ECT2: variants seen among roughly 807,000 people sequenced by gnomAD.
The protein encoded by ECT2 is protein ECT2.
In ECT2, 61 loss-of-function variants were observed where a neutral mutation model predicts 116.9. The observed-to-expected ratio is 0.52, with a 90% CI of 0.42 to 0.65. ECT2 has a LOEUF of 0.65. ECT2 is among the 30% of genes least tolerant of loss of function. The pLI, the probability that ECT2 is intolerant of heterozygous loss-of-function variation, is 0.00. For synonymous variants in ECT2, 358 were observed against 346.4 expected (o/e 1.03, Z -0.37); for missense variants, 937 against 1,078.7 (o/e 0.87, Z 1.84).
intron 5 of ECT2, among the ~76,000 whole-genome samples, chr3:172,758,081 A>G (rs1717425522): frequency 6.6e-6 from 1 of 152,010 alleles, no homozygotes; most frequent in Non-Finnish European, 1.5e-5. Context: ...GCTGGTCTCG[A>G]ACTCTTGACC....
At position 172,816,741 on chromosome 3, in the gene ECT2, G is replaced by T. The variant is rs1292314444; in HGVS notation, c.2559G>T (p.Arg853Ser). The T allele has an allele frequency of 1.1e-5, 17 of 1,607,740 alleles. No homozygotes were observed. The highest frequency in any genetic ancestry group is 1.4e-5 in the Non-Finnish European group (17 of 1,175,890). The part of the protein sequence containing the change: ...FSKTPKRALR[R>S]ALMTSHGSVE... ...AAACTCCAAAAAGAGCTCTTCGAAG[G>T]GCTCTTATGACATCCCACGGCTCAG... The change falls in exon 24 of 25, where the codon AGG becomes AGT. Residue 853 changes from arginine to serine, a missense_variant. By Grantham distance (110) the Arg-to-Ser change is moderately radical. Coordinates refer to ENST00000392692, the MANE Select transcript of ECT2 (RefSeq NM_001258315.2).
At chr3:172,795,445 A>G (rs1041421960) in intron 18 of ECT2, among the ~76,000 whole-genome samples, 5 of 152,174 alleles carry the variant, frequency 3.3e-5, no homozygotes, top group Non-Finnish European at 7.3e-5. Flanking sequence ...CTTTAAGTCC[A>G]GCCTAAAATG....
At chr3:172,803,806 G>A (rs1007430355) in intron 20 of ECT2, among the ~76,000 whole-genome samples, 3 of 144,440 alleles carry the variant, frequency 2.1e-5, no homozygotes, top group African/African-American at 2.5e-5. Flanking sequence ...GTTTCTTTTC[G>A]TTTTTCTTTT....
intron 14 of ECT2, among the ~76,000 whole-genome samples, chr3:172,778,588 C>CTTTTTTTTTTTTTT (rs5854485): frequency 1.7e-5 from 1 of 59,778 alleles, no homozygotes; most frequent in African/African-American, 6.0e-5. Flanking sequence ...TATTAGCTAT[C>CTTTTTTTTTTTTTT]TTTTTTTTTT....
At chr3:172,776,446 T>G (rs34231214) in intron 14 of ECT2, among the ~76,000 whole-genome samples, 72,797 of 151,944 alleles carry the variant, frequency 0.48, 19,907 homozygotes, top group East Asian at 0.69. Flanking sequence ...AATTTTGGGT[T>G]TTTTTCTTTA....
In ECT2 at chr3:172,809,597, ACG is replaced by A. The variant is rs1459168714; in HGVS notation, c.2400+1675_2400+1676del. 5.2e-4 allele frequency among the ~76,000 whole-genome samples: 71 copies of A among 137,704 alleles called. No individual in the cohort carries two copies. In the South Asian group the frequency reaches 6.2e-3, roughly 12 times the overall value. 90.3% of individuals were successfully genotyped at this position (137,704 alleles called of 152,430 possible). ...CACACACACACACACACACACACAC[ACG>A]CACACACACACGTGAAAGATGTAAA... is the stretch of plus-strand genomic sequence containing the variant. On this transcript the variant is annotated intron_variant, in intron 22 of 24. Transcript: ENST00000392692.
rs576868078 is a variant in ECT2 at position 172,750,768 on chromosome 3, G to T, written c.-112G>T. On this transcript the variant is annotated 5_prime_UTR_variant, in exon 1 of 25. Transcript: ENST00000392692. ...GAGAGAGCAGCTTAGTTTTTGAATC[G>T]GTTGTGGCGGCCGCCGGCGAGGAAT... 1.3e-5 allele frequency: 2 copies of T among 152,832 alleles called. No individual in the cohort carries two copies. The highest frequency in any genetic ancestry group is 3.8e-4 in the East Asian group (2 of 5,206). 9.5% of individuals were successfully genotyped at this position (152,832 alleles called of 1,614,324 possible). A position where few individuals can be genotyped will look rare whatever the true frequency, so the allele number is the denominator to read the frequency against.
intron 18 of ECT2, among the ~76,000 whole-genome samples, chr3:172,787,668 C>A (rs1340410582): frequency 6.6e-6 from 1 of 151,978 alleles, no homozygotes; most frequent in Non-Finnish European, 1.5e-5. Flanking sequence ...TTTTCAACAC[C>A]TTATGGTTTA....
chr3:172,802,972 TG>T lies in ECT2; in HGVS notation c.2099del (p.Cys700SerfsTer2). On this transcript the variant is annotated frameshift_variant, in exon 20 of 25. Transcript: ENST00000392692. LOFTEE classifies it high-confidence loss of function. Reference sequence around the variant, plus strand: ...AGTAACTCTCTTCCTCTTCAATGATTGCCTAGAGGTAAAGATGTACTTCACA... The same window carrying T: ...AGTAACTCTCTTCCTCTTCAATGATTCCTAGAGGTAAAGATGTACTTCACA... ...EQVTLFLFND[C>X]LEIARKRHKV... 6.2e-7 allele frequency: 1 copy of T among 1,610,820 alleles called. No individual in the cohort carries two copies. Among genetic ancestry groups the T allele is most frequent in the South Asian group, 1.1e-5 (1 of 90,536 alleles).
intron 14 of ECT2, among the ~76,000 whole-genome samples, chr3:172,777,442 T>G (rs1721948469): frequency 6.6e-6 from 1 of 152,236 alleles, no homozygotes; most frequent in Non-Finnish European, 1.5e-5. Context: ...AGGTATTATG[T>G]ATACAACTTT....
intron 16 of ECT2, 42 bp from the exon 17 acceptor site, chr3:172,784,665 T>G: frequency 6.7e-7 from 1 of 1,487,666 alleles, no homozygotes; most frequent in Non-Finnish European, 9.4e-7. Context: ...TATAATCTTT[T>G]CAGAAAACCT....
At chr3:172,751,617 T>C (rs1485377843) in intron 1 of ECT2, among the ~76,000 whole-genome samples, 2 of 152,248 alleles carry the variant, frequency 1.3e-5, no homozygotes, top group African/African-American at 4.8e-5. Context: ...TATCTTGGAT[T>C]GCATTTTAGT....
At chr3:172,823,783 C>T (rs977589358), downstream of ECT2, among the ~76,000 whole-genome samples, 2 of 152,112 alleles carry the variant, frequency 1.3e-5, no homozygotes, top group Non-Finnish European at 2.9e-5. Flanking sequence ...TCATCAGAGG[C>T]TTCAGTGGGT....
chr3:172,781,655 A>G (rs775344403), intron 14 of ECT2, among the ~76,000 whole-genome samples: 4 of 152,198 alleles, frequency 2.6e-5, no homozygotes, highest in African/African-American at 2.4e-5. Flanking sequence ...TTAACAAACT[A>G]TGGTTCATGG....
At chr3:172,776,198 C>CTTTT (rs60558773) in intron 14 of ECT2, among the ~76,000 whole-genome samples, 28 of 111,582 alleles carry the variant, frequency 2.5e-4, no homozygotes, top group African/African-American at 4.5e-4. Context: ...TCAGTTTTTT[C>CTTTT]TTTTTTTTTT....
At chr3:172,758,767 A>G (rs926174218) in intron 5 of ECT2, among the ~76,000 whole-genome samples, 1 of 152,206 alleles carries the variant, frequency 6.6e-6, no homozygotes, top group African/African-American at 2.4e-5. Context: ...TGTATATTGC[A>G]TATGATTAAG....
At chr3:172,750,970 G>T (rs1212880620) in intron 1 of ECT2, 113 bp downstream of exon 1, 1 of 152,292 alleles carries the variant, frequency 6.6e-6, no homozygotes, top group Non-Finnish European at 1.5e-5. Flanking sequence ...ATTCCGGAGC[G>T]CCCCAGCTCA....
chr3:172,759,095 G>A (rs374953218), intron 6 of ECT2, 26 bp downstream of exon 6: 93 of 1,492,184 alleles, frequency 6.2e-5, no homozygotes, highest in Middle Eastern at 5.4e-4. Flanking sequence ...CAAATTCAAA[G>A]CGTATTTTTT....
chr3:172,825,401 G>C (rs1730817176), downstream of ECT2, among the ~76,000 whole-genome samples: 1 of 152,198 alleles, frequency 6.6e-6, no homozygotes, highest in Non-Finnish European at 1.5e-5. Flanking sequence ...ACTTAGTGAG[G>C]GAGGCATGTT....
Sources: allele counts gnomAD v4.1 joint callset (sites outside exome capture counted in the v4.1 genomes callset), GRCh38; gene constraint gnomAD v4.1.1; transcripts MANE v1.5; gene names NCBI Gene and HGNC (gene_info 2026-07-23, HGNC 2026-07-21).